PTPRD: variants seen among roughly 807,000 people sequenced by gnomAD.
PTPRD encodes the protein receptor-type tyrosine-protein phosphatase delta.
A neutral mutation model predicts 214.5 loss-of-function variants in PTPRD; 34 were observed. That is an observed-to-expected ratio of 0.16 (90% CI 0.12 to 0.21). The LOEUF is 0.21. PTPRD is among the 10% of genes least tolerant of loss of function. The pLI, the probability that PTPRD is intolerant of heterozygous loss-of-function variation, is 1.00. For synonymous variants in PTPRD, 1,128 were observed against 845.7 expected, an observed-to-expected ratio of 1.33 and a Z score of -5.79; for missense variants, 2,545 against 2,398.7, an observed-to-expected ratio of 1.06 and a Z score of -1.27.
intron 9 of PTPRD, among the ~76,000 whole-genome samples, chr9:9,299,756 G>A (rs1240633817): frequency 6.6e-6 from 1 of 151,354 alleles, no homozygotes; most frequent in Non-Finnish European, 1.5e-5. Flanking sequence ...GGATAGAATA[G>A]ACACATATGT....
At chr9:10,561,808 C>G (rs2064044517) in intron 2 of PTPRD, among the ~76,000 whole-genome samples, 1 of 152,086 alleles carries the variant, frequency 6.6e-6, no homozygotes. Flanking sequence ...TCAGCTGATT[C>G]TCTGACTCTT....
chr9:10,465,716 A>T (rs1296236270), intron 2 of PTPRD, among the ~76,000 whole-genome samples: 1 of 152,208 alleles, frequency 6.6e-6, no homozygotes, highest in Non-Finnish European at 1.5e-5. Context: ...CTTGTAGCCT[A>T]GAAGAACCAG....
At chr9:9,905,770 C>A (rs924788233) in intron 5 of PTPRD, among the ~76,000 whole-genome samples, 5 of 151,780 alleles carry the variant, frequency 3.3e-5, no homozygotes, top group Non-Finnish European at 7.4e-5. Flanking sequence ...GATAAACAGA[C>A]AAAGAATATA....
Position 8,436,501 on chromosome 9 carries a change from A to G in PTPRD, c.4086+91T>C, listed in dbSNP as rs1308659384. 4.3e-6 allele frequency: 4 copies of G among 935,192 alleles called. No individual in the cohort carries two copies. The African/African-American group carries it at 6.6e-5, about 15-fold the overall frequency. The allele number at this position is 935,192 out of a possible 1,614,324, so 57.9% of individuals were successfully genotyped here. On this transcript the variant is annotated intron_variant, in intron 35 of 45. Coordinates refer to ENST00000381196, the MANE Select transcript of PTPRD (RefSeq NM_002839.4). ...TATTTGAGTCATATTTAAAGGGAAA[A>G]GCACTGATGAAGTTAATTTTCAAGA...
chr9:9,151,516 G>C (rs1258117556), intron 10 of PTPRD, among the ~76,000 whole-genome samples: 2 of 152,178 alleles, frequency 1.3e-5, no homozygotes, highest in African/African-American at 4.8e-5. Context: ...AATTGGGGAT[G>C]AAAGAGTTAA....
At position 9,795,505 on chromosome 9, in the gene PTPRD, G is replaced by A. The variant is rs7047507; in HGVS notation, c.-367-28654C>T. Among the ~76,000 whole-genome samples, 1,185 of 152,222 alleles carry A rather than the reference G, an allele frequency of 7.8e-3. 11 individuals carry two copies. The highest frequency in any genetic ancestry group is 0.027 in the African/African-American group (1,128 of 41,530). ...AAGTCTGAGGAAAATTCGTATTCAT[G>A]AAACAAATAAAGTATAAGCATAGTA... On this transcript the variant is annotated intron_variant, in intron 5 of 45. Transcript: ENST00000381196.
At chr9:9,551,372 A>C (rs188132330) in intron 8 of PTPRD, among the ~76,000 whole-genome samples, 4 of 152,128 alleles carry the variant, frequency 2.6e-5, no homozygotes, top group Admixed American at 6.6e-5. Context: ...AATTCCAGTT[A>C]TCTATTCGAA....
At chr9:10,525,727 A>AGTGTGTGTGTGTGTGTGTGTGTGT (rs398010299) in intron 2 of PTPRD, among the ~76,000 whole-genome samples, 91 of 147,050 alleles carry the variant, frequency 6.2e-4, no homozygotes, top group African/African-American at 9.2e-4. Context: ...AGATTTTCAA[A>AGTGTGTGTGTGTGTGTGTGTGTGT]GTGTGTGTGT....
intron 3 of PTPRD, among the ~76,000 whole-genome samples, chr9:10,206,653 G>A (rs536844682): frequency 6.6e-6 from 1 of 152,134 alleles, no homozygotes; most frequent in African/African-American, 2.4e-5. Context: ...AAAAAGTTTT[G>A]TAAAGCAAAG....
chr9:9,828,199 A>T (rs1192691390), intron 5 of PTPRD, among the ~76,000 whole-genome samples: 2 of 152,148 alleles, frequency 1.3e-5, no homozygotes, highest in East Asian at 3.9e-4. Flanking sequence ...AAAGACACAT[A>T]CACACGCATG....
intron 9 of PTPRD, among the ~76,000 whole-genome samples, chr9:9,353,376 A>G (rs1043528509): frequency 1.3e-5 from 2 of 151,984 alleles, no homozygotes; most frequent in Non-Finnish European, 2.9e-5. Context: ...ACAGGAATAA[A>G]TCTTAGAGTT....
chr9:8,564,012 T>C (rs966899495), intron 14 of PTPRD, among the ~76,000 whole-genome samples: 2 of 152,186 alleles, frequency 1.3e-5, no homozygotes, highest in Non-Finnish European at 2.9e-5. Flanking sequence ...GCAATACATA[T>C]TGAGTAGAAA....
chr9:9,381,168 A>G (rs1415390659), intron 9 of PTPRD, among the ~76,000 whole-genome samples: 1 of 152,014 alleles, frequency 6.6e-6, no homozygotes, highest in Non-Finnish European at 1.5e-5. Flanking sequence ...TTGTGCACTT[A>G]GACCATTGTT....
intron 3 of PTPRD, among the ~76,000 whole-genome samples, chr9:10,187,695 C>G (rs540564306): frequency 2.0e-5 from 3 of 152,170 alleles, no homozygotes; most frequent in African/African-American, 7.2e-5. Flanking sequence ...CCAGGTGCAA[C>G]GGAGGTTTTC....
chr9:10,465,349 A>T (rs967595406), intron 2 of PTPRD, among the ~76,000 whole-genome samples: 1 of 152,190 alleles, frequency 6.6e-6, no homozygotes, highest in Non-Finnish European at 1.5e-5. Flanking sequence ...GGTGTTCATA[A>T]CATTTTTTTG....
chr9:8,981,647 A>G (rs981647810), intron 11 of PTPRD, among the ~76,000 whole-genome samples: 8 of 152,078 alleles, frequency 5.3e-5, no homozygotes, highest in African/African-American at 1.2e-4. Context: ...TATGAGCAAA[A>G]AAGGAGACTG....
intron 11 of PTPRD, among the ~76,000 whole-genome samples, chr9:8,744,407 T>A (rs2092536525): frequency 6.6e-6 from 1 of 152,144 alleles, no homozygotes; most frequent in Non-Finnish European, 1.5e-5. Flanking sequence ...CAAATGCCCA[T>A]CAATCAACGA....
chr9:8,899,642 G>A (rs1420685064), intron 11 of PTPRD, among the ~76,000 whole-genome samples: 3 of 152,156 alleles, frequency 2.0e-5, no homozygotes, highest in Non-Finnish European at 2.9e-5. Context: ...GGTTTTAAAG[G>A]AAACAGCCTG....
chr9:9,812,704 G>A (rs536769643), intron 5 of PTPRD, among the ~76,000 whole-genome samples: 6 of 152,118 alleles, frequency 3.9e-5, no homozygotes, highest in Non-Finnish European at 8.8e-5. Flanking sequence ...AATAGTAAGG[G>A]ATTTCAATAA....
Sources: allele counts gnomAD v4.1 joint callset (sites outside exome capture counted in the v4.1 genomes callset), GRCh38; gene constraint gnomAD v4.1.1; transcripts MANE v1.5; gene names NCBI Gene and HGNC (gene_info 2026-07-23, HGNC 2026-07-21).